SFMBT1: variants seen among roughly 807,000 people sequenced by gnomAD.
SFMBT1 encodes scm-like with four MBT domains protein 1.
Under a neutral mutation model 108.7 loss-of-function variants are expected in SFMBT1, and 32 were observed. That is an observed-to-expected ratio of 0.29 (90% CI 0.22 to 0.40). SFMBT1 has a LOEUF of 0.40. Ranked by LOEUF, SFMBT1 falls within the 10% of genes least tolerant of loss-of-function variation. The probability of loss-of-function intolerance (pLI) is 1.00; values close to 1 mark genes in which losing one functional copy is unlikely to be tolerated. For synonymous variants in SFMBT1, 348 were observed against 369.5 expected (o/e 0.94, Z 0.67); for missense variants, 816 against 1,059.6 (o/e 0.77, Z 3.19).
rs142322955 is a variant in SFMBT1 at position 53,009,622 on chromosome 3, C to T, written c.-131+36194G>A. Among the ~76,000 whole-genome samples the T allele has an allele frequency of 2.0e-3, 304 of 152,108 alleles. 1 individual carries two copies. The highest frequency in any genetic ancestry group is 7.0e-3 in the African/African-American group (290 of 41,494). Reference sequence around the variant, plus strand: ...CATTCAACAAATATTTACAGTTGACCCTTGAACAACACAGGCGTCAGGATT... The same window carrying T: ...CATTCAACAAATATTTACAGTTGACTCTTGAACAACACAGGCGTCAGGATT... On this transcript the variant is annotated intron_variant, in intron 1 of 20. Coordinates refer to ENST00000394752, the MANE Select transcript of SFMBT1 (RefSeq NM_016329.4).
intron 1 of SFMBT1, among the ~76,000 whole-genome samples, chr3:52,989,090 T>A (rs1301784633): frequency 1.5e-5 from 1 of 66,584 alleles, no homozygotes; most frequent in Non-Finnish European, 4.3e-5. Context: ...TCTTCCTGAT[T>A]TCTTTTCTCC....
intron 8 of SFMBT1, among the ~76,000 whole-genome samples, chr3:52,928,653 TACAC>T (rs56180614): frequency 0.031 from 559 of 17,788 alleles, 5 homozygotes; most frequent in Middle Eastern, 0.05. Context: ...TATATATATA[TACAC>T]ATATATACAT....
At chr3:52,965,801 T>C (rs185073155) in intron 2 of SFMBT1, among the ~76,000 whole-genome samples, 1,889 of 150,974 alleles carry the variant, frequency 0.013, 16 homozygotes, top group Non-Finnish European at 0.022. Flanking sequence ...GGTCAGGAGA[T>C]CGCGACCATC....
At chr3:53,007,617 T>C (rs1698792082) in intron 1 of SFMBT1, among the ~76,000 whole-genome samples, 1 of 152,016 alleles carries the variant, frequency 6.6e-6, no homozygotes, top group South Asian at 2.1e-4. Flanking sequence ...AATTTAAGCA[T>C]CAATACAAAT....
intron 19 of SFMBT1, 83 bp from the exon 20 acceptor site, chr3:52,906,324 C>A (rs1282493528): frequency 9.4e-6 from 15 of 1,599,110 alleles, no homozygotes; most frequent in Non-Finnish European, 1.2e-5. Flanking sequence ...AATTCATAAT[C>A]TTTCAAGACA....
rs1224891389 is a variant in SFMBT1 at position 52,969,229 on chromosome 3, A to G, written c.-101T>C. 1 of 1,579,860 alleles carries G rather than the reference A, an allele frequency of 6.3e-7. No homozygotes were observed. Among genetic ancestry groups the G allele is most frequent in the African/African-American group, 1.4e-5 (1 of 73,114 alleles). On this transcript the variant is annotated 5_prime_UTR_variant, in exon 2 of 21. It removes the in-frame stop codon of an upstream open reading frame in the 5' UTR. Transcript: ENST00000394752. The stretch of plus-strand genomic sequence containing the variant: ...ACTTGCAGGTTTCAAGCATCTGTTC[A>G]ATGGGTATCCACGGGTCCAAATGAA...
intron 1 of SFMBT1, among the ~76,000 whole-genome samples, chr3:52,983,181 C>T (rs1180529115): frequency 6.6e-6 from 1 of 152,186 alleles, no homozygotes; most frequent in East Asian, 1.9e-4. Flanking sequence ...CCTCTTACTC[C>T]TCCTCAGCCT....
At chr3:52,972,449 T>C (rs1031203500) in intron 1 of SFMBT1, among the ~76,000 whole-genome samples, 2 of 152,204 alleles carry the variant, frequency 1.3e-5, no homozygotes, top group African/African-American at 4.8e-5. Flanking sequence ...TGTCTTTTCA[T>C]GCAGTAAAGA....
At chr3:52,949,091 GTTGTT>G (rs1211170091) in intron 3 of SFMBT1, among the ~76,000 whole-genome samples, 1 of 152,004 alleles carries the variant, frequency 6.6e-6, no homozygotes, top group African/African-American at 2.4e-5. Flanking sequence ...TCACAAGTGT[GTTGTT>G]TAATCTCTAA....
chr3:52,979,045 T>C (rs1704618700), intron 1 of SFMBT1, among the ~76,000 whole-genome samples: 1 of 152,208 alleles, frequency 6.6e-6, no homozygotes, highest in African/African-American at 2.4e-5. Context: ...AGAGTTGTAC[T>C]ATTCTGTGAA....
chr3:53,030,639 C>T (rs781640322), intron 1 of SFMBT1, among the ~76,000 whole-genome samples: 16 of 148,870 alleles, frequency 1.1e-4, no homozygotes, highest in Admixed American at 3.3e-4. Context: ...GTCCCTTTCA[C>T]CCTCCTCCTT....
At chr3:53,001,562 C>T (rs1698547605) in intron 1 of SFMBT1, among the ~76,000 whole-genome samples, 1 of 149,896 alleles carries the variant, frequency 6.7e-6, no homozygotes, top group Non-Finnish European at 1.5e-5. Context: ...TGTGCTCCCA[C>T]CAGCAAGCAG....
chr3:53,019,664 T>G (rs1025281979), intron 1 of SFMBT1, among the ~76,000 whole-genome samples: 1 of 152,040 alleles, frequency 6.6e-6, no homozygotes, highest in African/African-American at 2.4e-5. Context: ...AATCAAACAC[T>G]TCTCTCCATT....
At position 52,921,687 on chromosome 3, in the gene SFMBT1, T is replaced by C; in HGVS notation, c.1258+18A>G. ...AGGAGAGTGGCCACAGGAAGGCTTC[T>C]AGAGTGCTGGCACTCACCCTCCAGC... On this transcript the variant is annotated intron_variant, in intron 11 of 20. Transcript: ENST00000394752. 1 of 1,613,310 alleles carries C rather than the reference T, an allele frequency of 6.2e-7. No individual in the cohort carries two copies. The highest frequency in any genetic ancestry group is 1.1e-5 in the South Asian group (1 of 90,952).
At chr3:52,936,000 G>A (rs973093038) in intron 4 of SFMBT1, among the ~76,000 whole-genome samples, 1 of 152,192 alleles carries the variant, frequency 6.6e-6, no homozygotes, top group African/African-American at 2.4e-5. Context: ...TTTAGAGCTA[G>A]AAGCTTGATC....
chr3:52,951,914 C>G (rs1196427601), intron 3 of SFMBT1, among the ~76,000 whole-genome samples: 1 of 152,150 alleles, frequency 6.6e-6, no homozygotes, highest in Non-Finnish European at 1.5e-5. Context: ...TATGGCCAGA[C>G]TTTGAGGGGC....
intron 1 of SFMBT1, among the ~76,000 whole-genome samples, chr3:53,029,940 C>T (rs1290467026): frequency 6.6e-6 from 1 of 151,678 alleles, no homozygotes. Flanking sequence ...CCCACAAATA[C>T]ACTAACTTAG....
chr3:52,999,256 C>T (rs1282480330), intron 1 of SFMBT1, among the ~76,000 whole-genome samples: 1 of 150,570 alleles, frequency 6.6e-6, no homozygotes, highest in Non-Finnish European at 1.5e-5. Flanking sequence ...GATAAGCAGA[C>T]CACCAAGGGC....
intron 1 of SFMBT1, among the ~76,000 whole-genome samples, chr3:52,978,118 A>C (rs573334380): frequency 6.6e-6 from 1 of 152,252 alleles, no homozygotes; most frequent in East Asian, 1.9e-4. Context: ...TAAATGTCAT[A>C]AGTGATAGAG....
Sources: allele counts gnomAD v4.1 joint callset (sites outside exome capture counted in the v4.1 genomes callset), GRCh38; gene constraint gnomAD v4.1.1; transcripts MANE v1.5; gene names NCBI Gene and HGNC (gene_info 2026-07-23, HGNC 2026-07-21).